IGSF3: variants seen among roughly 807,000 people sequenced by gnomAD.
The protein encoded by IGSF3 is immunoglobulin superfamily member 3, also known as glu-Trp-Ile EWI motif-containing protein 3.
IGSF3 carries 23 observed loss-of-function variants against 114.4 expected under a neutral mutation model. That is an observed-to-expected ratio of 0.20 (90% CI 0.14 to 0.28). The LOEUF is 0.28. IGSF3 is among the 10% of genes least tolerant of loss of function. The probability of loss-of-function intolerance (pLI) is 1.00; values close to 1 mark genes in which losing one functional copy is unlikely to be tolerated. For synonymous variants in IGSF3, 571 were observed against 645.2 expected, an observed-to-expected ratio of 0.88 and a Z score of 1.74; for missense variants, 1,172 against 1,591.5, an observed-to-expected ratio of 0.74 and a Z score of 4.48.
intron 2 of IGSF3, among the ~76,000 whole-genome samples, chr1:116,652,150 T>A (rs1371127389): frequency 6.6e-6 from 1 of 152,210 alleles, no homozygotes; most frequent in Non-Finnish European, 1.5e-5. Flanking sequence ...CAGGTCTCTA[T>A]ACAGCATATA....
chr1:116,613,788 G>C lies in IGSF3; in HGVS notation c.809C>G (p.Ala270Gly). 1.2e-6 allele frequency: 2 copies of C among 1,613,750 alleles called. No individual in the cohort carries two copies. Among genetic ancestry groups the C allele is most frequent in the Non-Finnish European group, 8.5e-7 (1 of 1,179,698 alleles). Residue 270 changes from alanine to glycine, a missense_variant, in exon 4 of 11, where the codon GCC (alanine) becomes GGC (glycine). By Grantham distance (60) the Ala-to-Gly change is moderately conservative. This residue lies in a region of IGSF3 where 736 missense variants were observed against 1,042.0 expected (regional missense o/e 0.71). Transcript: ENST00000369486. Reference protein sequence around the residue: ...YAMTRKRSEGAVVNVQPTDKE... With the variant: ...YAMTRKRSEGGVVNVQPTDKE... ...ACCAGTTGGCTGGACGTTGACCACG[G>C]CTCCCTCGGAACGCTTTCGGGTCAT... is the stretch of plus-strand genomic sequence containing the variant.
chr1:116,591,405 G>A (rs1660105250), intron 7 of IGSF3, among the ~76,000 whole-genome samples: 3 of 152,106 alleles, frequency 2.0e-5, no homozygotes, highest in South Asian at 2.1e-4. Context: ...AATTGGGGCC[G>A]GATTATTTTT....
chr1:116,609,681 A>C (rs1419642234), intron 4 of IGSF3, among the ~76,000 whole-genome samples: 1 of 151,986 alleles, frequency 6.6e-6, no homozygotes, highest in African/African-American at 2.4e-5. Context: ...TTCCATGTAG[A>C]TTCATTAGCT....
rs1020114694 is a variant in IGSF3 at position 116,629,677 on chromosome 1, T to C, written c.44-13220A>G. Among the ~76,000 whole-genome samples the C allele has an allele frequency of 1.3e-5, 2 of 152,186 alleles. No individual in the cohort carries two copies. The highest frequency in any genetic ancestry group is 2.9e-5 in the Non-Finnish European group (2 of 68,040). On this transcript the variant is annotated intron_variant, in intron 2 of 10. Coordinates refer to ENST00000369486, the MANE Select transcript of IGSF3 (RefSeq NM_001007237.3). The surrounding 1 kb of genome is among the most constrained non-coding windows in gnomAD (Gnocchi z 4.3). The stretch of plus-strand genomic sequence containing the variant: ...AGCCTGGTCAGGTCAACTTTGCAGG[T>C]GTGTGAAGTGTCAAATGGTTAATCA...
rs1228770207 is a variant in IGSF3, at chr1:116,618,097, C to G, written c.44-1640G>C. Among the ~76,000 whole-genome samples the G allele has an allele frequency of 1.3e-5, 2 of 152,234 alleles. No homozygotes were observed. The highest frequency in any genetic ancestry group is 2.9e-5 in the Non-Finnish European group (2 of 68,040). Reference sequence around the variant, plus strand: ...TAAGCTAATCTAATCTGCAAGATGACAGACCTCAAAAACGGCCCATACAAT... The same window carrying G: ...TAAGCTAATCTAATCTGCAAGATGAGAGACCTCAAAAACGGCCCATACAAT... On this transcript the variant is annotated intron_variant, in intron 2 of 10. Transcript: ENST00000369486. This position sits in a 1 kb window ranked among gnomAD's most constrained non-coding sequence, Gnocchi z 4.7.
rs1304595150 is a variant in IGSF3 at position 116,625,988 on chromosome 1, G to A, written c.44-9531C>T. 6.6e-6 allele frequency among the ~76,000 whole-genome samples: 1 copy of A among 152,188 alleles called. No individual in the cohort carries two copies. Among genetic ancestry groups the A allele is most frequent in the African/African-American group, 2.4e-5 (1 of 41,436 alleles). On this transcript the variant is annotated intron_variant, in intron 2 of 10. Transcript: ENST00000369486. This position sits in a 1 kb window ranked among gnomAD's most constrained non-coding sequence, Gnocchi z 4.7. ...TGAGACATTTAGCTACTGAGCCCCA[G>A]GGATGGGTGGCTGCTTCTAAGCTGC...
At chr1:116,646,440 A>G (rs1347729159) in intron 2 of IGSF3, among the ~76,000 whole-genome samples, 2 of 151,982 alleles carry the variant, frequency 1.3e-5, no homozygotes, top group African/African-American at 4.8e-5. Context: ...GTCTAATTTT[A>G]CTCCAAAAGT....
At position 116,612,324 on chromosome 1, in the gene IGSF3, AC is replaced by A. The variant is rs940346294; in HGVS notation, c.832+1440del. On this transcript the variant is annotated intron_variant, in intron 4 of 10. Transcript: ENST00000369486. The surrounding 1 kb of genome is among the most constrained non-coding windows in gnomAD (Gnocchi z 4.1). ...GATAAAGTGCTCCCTATCCCTACCA[AC>A]CCCTACGGTAAAAGATTTCACATCC... 3.9e-5 allele frequency among the ~76,000 whole-genome samples: 6 copies of A among 152,148 alleles called. No individual in the cohort carries two copies. Among genetic ancestry groups the A allele is most frequent in the African/African-American group, 1.4e-4 (6 of 41,424 alleles).
rs1647482133 is a variant in IGSF3 at position 116,629,979 on chromosome 1, G to A, written c.44-13522C>T. The stretch of plus-strand genomic sequence containing the variant: ...AAGGAAGGCACCTGAATGACAGATG[G>A]TTTGAGGAATCTTGAGAAAGCAGAA... On this transcript the variant is annotated intron_variant, in intron 2 of 10. Coordinates refer to ENST00000369486, the MANE Select transcript of IGSF3 (RefSeq NM_001007237.3). This position sits in a 1 kb window ranked among gnomAD's most constrained non-coding sequence, Gnocchi z 4.3. 6.6e-6 allele frequency among the ~76,000 whole-genome samples: 1 copy of A among 152,228 alleles called. No homozygotes were observed.
Position 116,592,298 on chromosome 1 carries a change from C to T in IGSF3, c.2030-3194G>A, listed in dbSNP as rs570009265. Among the ~76,000 whole-genome samples, 3 of 152,188 alleles carry T rather than the reference C, an allele frequency of 2.0e-5. No individual in the cohort carries two copies. The highest frequency in any genetic ancestry group is 4.4e-5 in the Non-Finnish European group (3 of 68,042). ...GCAGACGTGAAAGAAAAGAGTGAGG[C>T]TTGGTTAACCCCCAACAGTGAATTG... On this transcript the variant is annotated intron_variant, in intron 7 of 10. Transcript: ENST00000369486. The surrounding 1 kb of genome is among the most constrained non-coding windows in gnomAD (Gnocchi z 4.5).
intron 8 of IGSF3, among the ~76,000 whole-genome samples, chr1:116,586,981 T>C (rs1020562169): frequency 6.8e-6 from 1 of 147,330 alleles, no homozygotes; most frequent in African/African-American, 2.5e-5. Context: ...TAGCAGAAAA[T>C]GCCACCGAGA....
chr1:116,645,709 C>G (rs558525239), intron 2 of IGSF3, among the ~76,000 whole-genome samples: 34 of 152,334 alleles, frequency 2.2e-4, no homozygotes, highest in African/African-American at 7.9e-4. Context: ...AGTGAACACA[C>G]AGAGCAAGCA....
chr1:116,583,963 TGGG>T lies in IGSF3; in HGVS notation c.2848+679_2848+681del, dbSNP rs1659705023. On this transcript the variant is annotated intron_variant, in intron 9 of 10. Transcript: ENST00000369486. This position sits in a 1 kb window ranked among gnomAD's most constrained non-coding sequence, Gnocchi z 4.5. ...CCACTTTGAAAAGCCGAGGCGGTGG[TGGG>T]GGTCACGAGGTCAGGAGATCGAGAC... Among the ~76,000 whole-genome samples the T allele has an allele frequency of 1.3e-5, 2 of 152,064 alleles. No homozygotes were observed. The highest frequency in any genetic ancestry group is 4.8e-5 in the African/African-American group (2 of 41,412).
rs915000434 is a variant in IGSF3, at chr1:116,589,262, C to A, written c.2030-158G>T. On this transcript the variant is annotated intron_variant, in intron 7 of 10. Coordinates refer to ENST00000369486, the MANE Select transcript of IGSF3 (RefSeq NM_001007237.3). This position sits in a 1 kb window ranked among gnomAD's most constrained non-coding sequence, Gnocchi z 5.7. ...GAAGGCAGCACGGAGCCCAGGCCAC[C>A]GCTAAACATCCTTCCCTGTCTCCTC... 6.6e-6 allele frequency among the ~76,000 whole-genome samples: 1 copy of A among 152,036 alleles called. No individual in the cohort carries two copies. Among genetic ancestry groups the A allele is most frequent in the Non-Finnish European group, 1.5e-5 (1 of 67,998 alleles).
chr1:116,588,649 G>C lies in IGSF3; in HGVS notation c.2440+45C>G, dbSNP rs779612110. On this transcript the variant is annotated intron_variant, in intron 8 of 10. Coordinates refer to ENST00000369486, the MANE Select transcript of IGSF3 (RefSeq NM_001007237.3). This position sits in a 1 kb window ranked among gnomAD's most constrained non-coding sequence, Gnocchi z 4.9. The stretch of plus-strand genomic sequence containing the variant: ...CCCCACCCACCCCCAGGCAGTCTCT[G>C]CACTAAACCCACTGGCCCAGGACAG... 152 of 1,362,926 alleles carry C rather than the reference G, an allele frequency of 1.1e-4. No homozygotes were observed. The highest frequency in any genetic ancestry group is 1.5e-4 in the Non-Finnish European group (146 of 986,202). The allele number at this position is 1,362,926 out of a possible 1,614,324, so 84.4% of individuals were successfully genotyped here. A position where few individuals can be genotyped will look rare whatever the true frequency, so the allele number is the denominator to read the frequency against.
At position 116,614,129 on chromosome 1, in the gene IGSF3, G is replaced by C. The variant is rs948618088; in HGVS notation, c.468C>G (p.His156Gln). The change falls in exon 4 of 11, where the codon CAC becomes CAG. Residue 156 changes from histidine to glutamine, a missense_variant. His to Gln is a conservative substitution (Grantham distance 24). Transcript: ENST00000369486. This position sits in a 1 kb window ranked among gnomAD's most constrained non-coding sequence, Gnocchi z 4.5. ...GCTCCAGCGGGTCCTGCTCCACTCT[G>C]TGCAGAGTCTGGGGCATGGCAGTGG... Reference protein sequence around the residue: ...LQTTAMPQTLHRVEQDPLELT... With the variant: ...LQTTAMPQTLQRVEQDPLELT... 1 of 1,613,580 alleles carries C rather than the reference G, an allele frequency of 6.2e-7. No individual in the cohort carries two copies. The highest frequency in any genetic ancestry group is 8.5e-7 in the Non-Finnish European group (1 of 1,179,898).
Position 116,659,616 on chromosome 1 carries a change from G to A in IGSF3, c.43+6668C>T, listed in dbSNP as rs184700416. Among the ~76,000 whole-genome samples, 4 of 151,964 alleles carry A rather than the reference G, an allele frequency of 2.6e-5. No individual in the cohort carries two copies. The East Asian group carries it at 7.7e-4, about 29-fold the overall frequency. Reference sequence around the variant, plus strand: ...GAACTCCCTTTTTTTTTTTGAGACGGGGTCTCGCTCTTTTTGTGTGTGTGT... The same window carrying A: ...GAACTCCCTTTTTTTTTTTGAGACGAGGTCTCGCTCTTTTTGTGTGTGTGT... On this transcript the variant is annotated intron_variant, in intron 2 of 10. Coordinates refer to ENST00000369486, the MANE Select transcript of IGSF3 (RefSeq NM_001007237.3).
Position 116,624,223 on chromosome 1 carries a change from CT to C in IGSF3, c.44-7767del, listed in dbSNP as rs1379843017. On this transcript the variant is annotated intron_variant, in intron 2 of 10. Coordinates refer to ENST00000369486, the MANE Select transcript of IGSF3 (RefSeq NM_001007237.3). This position sits in a 1 kb window ranked among gnomAD's most constrained non-coding sequence, Gnocchi z 4.9. ...TGTCTCAAAAAAAAAAAAAAAATGGCTCTTGAAACAGCCATCAATTCCCATG... is the reference window on the plus strand; with the variant it reads ...TGTCTCAAAAAAAAAAAAAAAATGGCCTTGAAACAGCCATCAATTCCCATG... Among the ~76,000 whole-genome samples, 3 of 151,578 alleles carry C rather than the reference CT, an allele frequency of 2.0e-5. No homozygotes were observed. Among genetic ancestry groups the C allele is most frequent in the Non-Finnish European group, 4.4e-5 (3 of 67,898 alleles).
Position 116,661,276 on chromosome 1 carries a change from G to C in IGSF3, c.43+5008C>G, listed in dbSNP as rs1458849701. Among the ~76,000 whole-genome samples the C allele has an allele frequency of 6.6e-6, 1 of 151,974 alleles. No individual in the cohort carries two copies. The highest frequency in any genetic ancestry group is 1.5e-5 in the Non-Finnish European group (1 of 68,040). On this transcript the variant is annotated intron_variant, in intron 2 of 10. Transcript: ENST00000369486. This position sits in a 1 kb window ranked among gnomAD's most constrained non-coding sequence, Gnocchi z 4.0. Reference sequence around the variant, plus strand: ...CCACTGCACTCCAGCCTGAGCAACAGTGTGAGACTCCATCTCAAAAAAAAT... The same window carrying C: ...CCACTGCACTCCAGCCTGAGCAACACTGTGAGACTCCATCTCAAAAAAAAT...
Sources: allele counts gnomAD v4.1 joint callset (sites outside exome capture counted in the v4.1 genomes callset), GRCh38; gene constraint gnomAD v4.1.1; regional missense constraint gnomAD v4.1.1; non-coding constraint Gnocchi (gnomAD v3.1); transcripts MANE v1.5; gene names NCBI Gene and HGNC (gene_info 2026-07-23, HGNC 2026-07-21).